Variants in MOV10L1 observed in about 807,000 individuals in gnomAD.
The protein encoded by MOV10L1 is RNA helicase Mov10l1.
A neutral mutation model predicts 143.8 loss-of-function variants in MOV10L1; 110 were observed. The observed-to-expected ratio is 0.76, with a 90% CI of 0.66 to 0.90. MOV10L1 has a LOEUF of 0.90. MOV10L1 is among the 40% of genes least tolerant of loss of function. The pLI, the probability that MOV10L1 is intolerant of heterozygous loss-of-function variation, is 0.00. For missense variants in MOV10L1, 1,406 were observed against 1,526.8 expected, an observed-to-expected ratio of 0.92 and a Z score of 1.32; for synonymous variants, 593 against 581.1, an observed-to-expected ratio of 1.02 and a Z score of -0.29.
At position 50,128,468 on chromosome 22, in the gene MOV10L1, A is replaced by G. The variant is rs1189141309; in HGVS notation, c.1871A>G (p.Tyr624Cys). The G allele has an allele frequency of 6.4e-6, 10 of 1,558,712 alleles. No homozygotes were observed. In the South Asian group the frequency reaches 9.0e-5, roughly 14 times the overall value. ...ATTAATCCAGAATTTGAACAAGCCT[A>G]TAACTTTGAACCTATGGATGTGGAA... ...LKINPEFEQA[Y>C]NFEPMDVEFT... The change falls in exon 13 of 27, where the codon TAT becomes TGT. Residue 624 changes from tyrosine (Y) to cysteine (C), a missense_variant. This residue lies in a region of MOV10L1 where 1,233 missense variants were observed against 1,351.4 expected (regional missense o/e 0.91). Transcript: ENST00000262794.
chr22:50,154,000 C>T (rs953066490), intron 22 of MOV10L1, among the ~76,000 whole-genome samples: 1 of 152,216 alleles, frequency 6.6e-6, no homozygotes, highest in Non-Finnish European at 1.5e-5. Context: ...CCATGCCCTA[C>T]CCAGCAGTGG....
chr22:50,155,240 CT>C (rs2063394833), intron 22 of MOV10L1, among the ~76,000 whole-genome samples: 2 of 146,462 alleles, frequency 1.4e-5, no homozygotes, highest in Non-Finnish European at 3.0e-5. Context: ...CTGGTGGTCA[CT>C]TTTTTGGGGG....
At chr22:50,136,022 T>C (rs917676019) in intron 15 of MOV10L1, among the ~76,000 whole-genome samples, 4 of 152,198 alleles carry the variant, frequency 2.6e-5, no homozygotes, top group Non-Finnish European at 5.9e-5. Flanking sequence ...TCAAAAATGC[T>C]CACCATTTTA....
In MOV10L1 at chr22:50,090,063, A is replaced by T; in HGVS notation, c.-26A>T. ...CGTGCGGGCGGCGGCAGCGGCGGTGACGGCAGCCTAGGCCGGGCGAGGGCC... is the reference window on the plus strand; with the variant it reads ...CGTGCGGGCGGCGGCAGCGGCGGTGTCGGCAGCCTAGGCCGGGCGAGGGCC... On this transcript the variant is annotated 5_prime_UTR_variant, in exon 1 of 27. Transcript: ENST00000262794. 1 of 1,237,780 alleles carries T rather than the reference A, an allele frequency of 8.1e-7. No individual in the cohort carries two copies. The highest frequency in any genetic ancestry group is 1.0e-6 in the Non-Finnish European group (1 of 987,144). The allele number at this position is 1,237,780 out of a possible 1,614,324, so 76.7% of individuals were successfully genotyped here.
intron 2 of MOV10L1, chr22:50,096,399 A>G (rs2147021549): frequency 6.6e-6 from 1 of 152,314 alleles, no homozygotes; most frequent in East Asian, 1.9e-4. Flanking sequence ...CTGTTGATGG[A>G]CACTTGGGTT....
At chr22:50,115,351 G>C in intron 8 of MOV10L1, 105 bp downstream of exon 8, 1 of 1,309,240 alleles carries the variant, frequency 7.6e-7, no homozygotes, top group Non-Finnish European at 9.9e-7. Context: ...GATCACCTGA[G>C]ACCAGGAGTT....
intron 2 of MOV10L1, 64 bp from the exon 3 acceptor site, chr22:50,099,379 G>A (rs888601993): frequency 4.5e-6 from 7 of 1,565,134 alleles, no homozygotes; most frequent in Non-Finnish European, 3.5e-6. Context: ...AGGCATGCCA[G>A]CCTGTAGTTT....
intron 19 of MOV10L1, among the ~76,000 whole-genome samples, chr22:50,148,015 G>C (rs2063198460): frequency 6.6e-6 from 1 of 152,260 alleles, no homozygotes; most frequent in South Asian, 2.1e-4. Flanking sequence ...TCTGACCACA[G>C]GGTCTCACCC....
At chr22:50,142,252 C>A in intron 16 of MOV10L1, 63 bp downstream of exon 16, 1 of 1,382,956 alleles carries the variant, frequency 7.2e-7, no homozygotes, top group Non-Finnish European at 1.0e-6. Context: ...AAAACGGGGA[C>A]TTTGAGGAGT....
At chr22:50,090,297 GC>G in intron 1 of MOV10L1, 112 bp downstream of exon 1, 1 of 1,453,858 alleles carries the variant, frequency 6.9e-7, no homozygotes, top group Non-Finnish European at 9.1e-7. Flanking sequence ...GCAACGCTGG[GC>G]CCGGCCTTTC....
At chr22:50,139,769 C>T (rs2062929848) in intron 15 of MOV10L1, among the ~76,000 whole-genome samples, 1 of 152,174 alleles carries the variant, frequency 6.6e-6, no homozygotes, top group Non-Finnish European at 1.5e-5. Context: ...AGATGTTCAA[C>T]ATCATTAGTT....
At chr22:50,131,228 C>T (rs1482946087) in intron 13 of MOV10L1, among the ~76,000 whole-genome samples, 2 of 152,104 alleles carry the variant, frequency 1.3e-5, no homozygotes, top group Non-Finnish European at 2.9e-5. Flanking sequence ...TTTTTATGTG[C>T]TTTTTTGCCA....
chr22:50,155,898 A>G (rs893378753), intron 22 of MOV10L1, among the ~76,000 whole-genome samples: 2 of 152,148 alleles, frequency 1.3e-5, no homozygotes, highest in Non-Finnish European at 2.9e-5. Flanking sequence ...AAAAAATACA[A>G]AAATTATCCG....
Position 50,108,205 on chromosome 22 carries a change from A to C in MOV10L1, c.512A>C (p.Glu171Ala), listed in dbSNP as rs1350960639. The C allele has an allele frequency of 6.2e-7, 1 of 1,614,066 alleles. No homozygotes were observed. The highest frequency in any genetic ancestry group is 1.7e-5 in the Admixed American group (1 of 60,014). The part of the protein sequence containing the change: ...YRIRPGTWSS[E>A]ATSVKPLRYK... The stretch of plus-strand genomic sequence containing the variant: ...ATCCGGCCTGGCACGTGGAGCAGCG[A>C]AGCCACCTCAGTGAAGCCACTGAGA... The change falls in exon 4 of 27, where the codon GAA becomes GCA. Residue 171 changes from glutamate (E) to alanine (A), a missense_variant. Around this residue, in one of 3 missense-constraint regions of MOV10L1, gnomAD observed 1,233 missense variants for 1,351.4 expected, o/e 0.91. Transcript: ENST00000262794.
At position 50,117,107 on chromosome 22, in the gene MOV10L1, T is replaced by C. The variant is rs752799178; in HGVS notation, c.1260-50T>C. The C allele has an allele frequency of 3.2e-6, 5 of 1,540,392 alleles. No individual in the cohort carries two copies. The African/African-American group carries it at 6.9e-5, about 21-fold the overall frequency. ...ATGTACAAAGGAAAATTGTGTTGACTGCCTATCTTATTTATGACTAAAACT... is the reference window on the plus strand; with the variant it reads ...ATGTACAAAGGAAAATTGTGTTGACCGCCTATCTTATTTATGACTAAAACT... On this transcript the variant is annotated intron_variant, in intron 8 of 26. Transcript: ENST00000262794.
chr22:50,141,335 CT>C lies in MOV10L1; in HGVS notation c.2071-734del, dbSNP rs57632309. Among the ~76,000 whole-genome samples, 498 of 146,066 alleles carry C rather than the reference CT, an allele frequency of 3.4e-3. 2 individuals carry two copies. Among genetic ancestry groups the C allele is most frequent in the African/African-American group, 8.3e-3 (329 of 39,744 alleles). On this transcript the variant is annotated intron_variant, in intron 15 of 26. Coordinates refer to ENST00000262794, the MANE Select transcript of MOV10L1 (RefSeq NM_018995.3). Reference sequence around the variant, plus strand: ...ATAGGCGTGAGCCACTGCGTGCAGCCTTTTTTTTTTTTATGAGTTTGGGGGG... The same window carrying C: ...ATAGGCGTGAGCCACTGCGTGCAGCCTTTTTTTTTTTATGAGTTTGGGGGG...
intron 14 of MOV10L1, 24 bp from the exon 15 acceptor site, chr22:50,134,506 T>A: frequency 1.2e-6 from 2 of 1,600,136 alleles, no homozygotes; most frequent in Middle Eastern, 1.7e-4. Flanking sequence ...ATACCCGTGC[T>A]CTTACCATTT....
rs12628633 is a variant in MOV10L1, at chr22:50,140,774, G to A, written c.2071-1307G>A. Among the ~76,000 whole-genome samples the A allele has an allele frequency of 2.4e-4, 36 of 151,214 alleles. No homozygotes were observed. The East Asian group carries it at 6.2e-3, about 26-fold the overall frequency. ...GTCTTCCTCTGTCCTCCTAACTGCA[G>A]TGTAGTGTCGCAATCATGGCTCACT... On this transcript the variant is annotated intron_variant, in intron 15 of 26. Coordinates refer to ENST00000262794, the MANE Select transcript of MOV10L1 (RefSeq NM_018995.3).
intron 9 of MOV10L1, among the ~76,000 whole-genome samples, chr22:50,118,370 T>A (rs939410977): frequency 1.3e-5 from 2 of 152,110 alleles, no homozygotes; most frequent in African/African-American, 4.8e-5. Context: ...ATGTAAAATG[T>A]GCAGTTTTCT....
Sources: allele counts gnomAD v4.1 joint callset (sites outside exome capture counted in the v4.1 genomes callset), GRCh38; gene constraint gnomAD v4.1.1; regional missense constraint gnomAD v4.1.1; transcripts MANE v1.5; gene names NCBI Gene and HGNC (gene_info 2026-07-23, HGNC 2026-07-21).